The following STK3 variants were observed in gnomAD, a reference collection of about 807,000 sequenced individuals.
STK3 encodes the protein serine/threonine kinase 3.
Under a neutral mutation model 58.0 loss-of-function variants are expected in STK3, and 41 were observed. The ratio of observed to expected loss-of-function variants is 0.71; its 90% CI spans 0.55 to 0.92. STK3 has a LOEUF of 0.92. Among genes scored for constraint, STK3 ranks in the 40% least tolerant of loss-of-function variants. The probability of loss-of-function intolerance (pLI) is 0.00; values close to 1 mark genes in which losing one functional copy is unlikely to be tolerated. For synonymous variants in STK3, 170 were observed against 191.0 expected (o/e 0.89, Z 0.91); for missense variants, 479 against 602.7 (o/e 0.79, Z 2.15).
At chr8:98,893,826 A>G (rs1838352305) in intron 1 of STK3, among the ~76,000 whole-genome samples, 1 of 152,200 alleles carries the variant, frequency 6.6e-6, no homozygotes. Context: ...AGTGGACTGG[A>G]CAGTCTGTGT....
intron 1 of STK3, among the ~76,000 whole-genome samples, chr8:98,941,345 T>C (rs1840420133): frequency 6.6e-6 from 1 of 152,192 alleles, no homozygotes; most frequent in African/African-American, 2.4e-5. Context: ...GCACGCACCC[T>C]GAGCAGAGCC....
At chr8:98,904,669 C>T in intron 1 of STK3, 7 of 657,212 alleles carry the variant, frequency 1.1e-5, no homozygotes, top group Non-Finnish European at 2.0e-5. Context: ...GTAGAGAATT[C>T]CGTGTAGCTG....
chr8:98,352,820 T>G, the STK3 span, among the ~76,000 whole-genome samples: 5 of 152,370 alleles, frequency 3.3e-5, no homozygotes, highest in South Asian at 8.3e-4. Context: ...TACAGCATCT[T>G]AGGTGGAGAC....
At chr8:98,795,691 C>T (rs1474950046) in intron 1 of STK3, among the ~76,000 whole-genome samples, 1 of 152,126 alleles carries the variant, frequency 6.6e-6, no homozygotes, top group Non-Finnish European at 1.5e-5. Flanking sequence ...ACTTGAGTAA[C>T]GTTTCAGGAT....
intron 4 of STK3, among the ~76,000 whole-genome samples, chr8:98,719,624 T>C (rs1827256902): frequency 6.6e-6 from 1 of 152,218 alleles, no homozygotes; most frequent in Non-Finnish European, 1.5e-5. Flanking sequence ...TATGATTCTA[T>C]GTTATCAAAG....
chr8:98,759,938 A>T (rs1323014025), intron 3 of STK3, among the ~76,000 whole-genome samples: 1 of 152,200 alleles, frequency 6.6e-6, no homozygotes, highest in Non-Finnish European at 1.5e-5. Context: ...ATCCTCCAGT[A>T]TACTTTAAAT....
chr8:98,586,475 G>A (rs1298506217), intron 7 of STK3, among the ~76,000 whole-genome samples: 1 of 149,822 alleles, frequency 6.7e-6, no homozygotes, highest in Non-Finnish European at 1.5e-5. Flanking sequence ...TAAGCTTTTT[G>A]ATGTGCTGCT....
chr8:98,445,080 T>C (rs1818878996), intron 1 of STK3, among the ~76,000 whole-genome samples: 1 of 152,236 alleles, frequency 6.6e-6, no homozygotes. Context: ...ATAATATAGC[T>C]TAATACAATG....
At chr8:98,897,300 G>A (rs1043505413) in intron 1 of STK3, among the ~76,000 whole-genome samples, 18 of 152,174 alleles carry the variant, frequency 1.2e-4, no homozygotes, top group African/African-American at 4.3e-4. Context: ...GCTCACGCCT[G>A]TAATCCTAGC....
intron 8 of STK3, among the ~76,000 whole-genome samples, chr8:98,549,264 CTTG>C (rs1286093460): frequency 1.3e-5 from 2 of 152,202 alleles, no homozygotes; most frequent in African/African-American, 2.4e-5. Flanking sequence ...CTTGGCAACA[CTTG>C]TTATTTTCCA....
intron 1 of STK3, among the ~76,000 whole-genome samples, chr8:98,904,376 G>T (rs978846360): frequency 9.2e-5 from 14 of 151,986 alleles, no homozygotes; most frequent in African/African-American, 2.7e-4. Flanking sequence ...GAGAATATAA[G>T]GAACAGAGTA....
intron 6 of STK3, among the ~76,000 whole-genome samples, chr8:98,697,829 T>A (rs1000938414): frequency 6.6e-6 from 1 of 152,204 alleles, no homozygotes; most frequent in Non-Finnish European, 1.5e-5. Context: ...CTGAAAAGAA[T>A]GTATATTCTG....
At chr8:98,602,042 C>T (rs1816394188) in intron 6 of STK3, 1 of 152,118 alleles carries the variant, frequency 6.6e-6, no homozygotes, top group South Asian at 2.1e-4. Context: ...CATGGAGAAC[C>T]ACTATTCTAA....
chr8:98,767,489 T>A, intron 2 of STK3, 118 bp from the exon 3 acceptor site: 2 of 956,628 alleles, frequency 2.1e-6, no homozygotes, highest in South Asian at 2.2e-5. Flanking sequence ...TTTAAATGAT[T>A]AAAAAATCAA....
At chr8:98,611,370 T>C (rs1301051683) in intron 6 of STK3, among the ~76,000 whole-genome samples, 1 of 151,972 alleles carries the variant, frequency 6.6e-6, no homozygotes, top group Non-Finnish European at 1.5e-5. Flanking sequence ...CATATATACA[T>C]ACATCAAAGT....
chr8:98,584,946 G>A (rs1351539731), intron 7 of STK3, among the ~76,000 whole-genome samples: 2 of 150,758 alleles, frequency 1.3e-5, no homozygotes, highest in African/African-American at 4.8e-5. Flanking sequence ...TGATGGGGTT[G>A]TTTTTTTCTT....
At chr8:98,867,969 C>G (rs1356756875) in intron 3 of STK3, among the ~76,000 whole-genome samples, 1 of 152,146 alleles carries the variant, frequency 6.6e-6, no homozygotes, top group Admixed American at 6.6e-5. Context: ...TGAGACTTGC[C>G]TAACATTTCA....
intron 1 of STK3, among the ~76,000 whole-genome samples, chr8:98,443,675 C>G (rs1247454878): frequency 6.6e-6 from 1 of 152,092 alleles, no homozygotes; most frequent in Non-Finnish European, 1.5e-5. Context: ...TGGCGAAACA[C>G]TGTCTCTACT....
chr8:98,578,767 C>A (rs959426104), intron 8 of STK3, among the ~76,000 whole-genome samples: 2 of 151,902 alleles, frequency 1.3e-5, no homozygotes, highest in African/African-American at 2.4e-5. Context: ...ATTTGAATAC[C>A]AAGGGTTATT....
Sources: gnomAD v4.1 joint callset for allele counts (sites outside exome capture counted in the v4.1 genomes callset) on GRCh38, gnomAD v4.1.1 for gene constraint, MANE v1.5 for transcripts, NCBI Gene and HGNC (gene_info 2026-07-23, HGNC 2026-07-21) for gene names.